DACH2: variants seen among roughly 807,000 people sequenced by gnomAD.
DACH2 encodes the protein dachshund family transcription factor 2.
A neutral mutation model predicts 35.8 loss-of-function variants in DACH2; 17 were observed. That is an observed-to-expected ratio of 0.48 (90% confidence interval 0.33 to 0.71). DACH2 has a LOEUF of 0.71. Among genes scored for constraint, DACH2 ranks in the 30% least tolerant of loss-of-function variants. The pLI is 0.02. For missense variants in DACH2, 469 were observed against 472.7 expected, an observed-to-expected ratio of 0.99 and a Z score of 0.07; for synonymous variants, 195 against 177.3, an observed-to-expected ratio of 1.10 and a Z score of -0.79.
At chrX:86,728,250 T>C (rs1237285616) in intron 6 of DACH2, among the ~76,000 whole-genome samples, 2 of 112,204 alleles carry the variant, frequency 1.8e-5, no homozygotes, top group African/African-American at 6.5e-5. Context: ...TGACCTGAGA[T>C]ATCTGGCATA....
intron 1 of DACH2, among the ~76,000 whole-genome samples, chrX:86,207,124 G>T (rs1252814493): frequency 9.0e-6 from 1 of 111,011 alleles, no homozygotes; most frequent in African/African-American, 3.3e-5. Context: ...CAATCATGAA[G>T]AATCCCATGA....
intron 3 of DACH2, among the ~76,000 whole-genome samples, chrX:86,522,628 T>G (rs908875131): frequency 6.1e-5 from 3 of 49,382 alleles, no homozygotes; most frequent in African/African-American, 2.5e-4. Flanking sequence ...CCACCTAGCC[T>G]TTCTCTAGAT....
intron 2 of DACH2, among the ~76,000 whole-genome samples, chrX:86,444,224 T>TA (rs1226548029): frequency 9.0e-6 from 1 of 111,623 alleles, no homozygotes; most frequent in Non-Finnish European, 1.9e-5. Flanking sequence ...TAGCTAGCAC[T>TA]ACAGGCACAC....
At chrX:86,530,038 AT>A (rs1316953365) in intron 3 of DACH2, among the ~76,000 whole-genome samples, 1 of 108,924 alleles carries the variant, frequency 9.2e-6, no homozygotes, top group Non-Finnish European at 1.9e-5. Context: ...ATCTATTGAG[AT>A]TTTTTAGGAC....
At chrX:86,427,059 TTA>T (rs920293562) in intron 2 of DACH2, among the ~76,000 whole-genome samples, 3 of 111,864 alleles carry the variant, frequency 2.7e-5, no homozygotes, top group African/African-American at 9.7e-5. Flanking sequence ...ATGACTCCAC[TTA>T]TATCATTCAA....
At chrX:86,576,791 C>G (rs1488880767) in intron 3 of DACH2, among the ~76,000 whole-genome samples, 2 of 110,859 alleles carry the variant, frequency 1.8e-5, no homozygotes, top group African/African-American at 6.6e-5. Context: ...GGTGAGCTCT[C>G]TTTCTGTTAG....
At chrX:86,275,007 AC>A (rs1340055246) in intron 1 of DACH2, among the ~76,000 whole-genome samples, 1 of 111,722 alleles carries the variant, frequency 9.0e-6, no homozygotes, top group African/African-American at 3.3e-5. Context: ...GCACAGCAAA[AC>A]ATAGTGAAAG....
chrX:86,459,735 G>T (rs2037535034), intron 2 of DACH2, among the ~76,000 whole-genome samples: 1 of 111,460 alleles, frequency 9.0e-6, no homozygotes, highest in Non-Finnish European at 1.9e-5. Flanking sequence ...GCTCTAAAAT[G>T]TTAGTACGTG....
chrX:86,326,854 T>C (rs1205210134), intron 1 of DACH2, among the ~76,000 whole-genome samples: 2 of 112,098 alleles, frequency 1.8e-5, no homozygotes, highest in Non-Finnish European at 3.8e-5. Context: ...AGGTTGGTTG[T>C]GTTCAAAACC....
intron 2 of DACH2, among the ~76,000 whole-genome samples, chrX:86,428,196 G>A (rs974443613): frequency 5.4e-5 from 6 of 111,244 alleles, no homozygotes; most frequent in Non-Finnish European, 1.1e-4. Flanking sequence ...AAATTAATAA[G>A]GTAGTAACTT....
intron 3 of DACH2, among the ~76,000 whole-genome samples, chrX:86,519,636 T>A (rs2038522343): frequency 9.0e-6 from 1 of 111,503 alleles, no homozygotes; most frequent in African/African-American, 3.3e-5. Context: ...GGTGTGTATG[T>A]CCAGGAATTT....
At chrX:86,818,465 A>G (rs1490539269) in intron 11 of DACH2, among the ~76,000 whole-genome samples, 4 of 111,519 alleles carry the variant, frequency 3.6e-5, no homozygotes, top group African/African-American at 1.3e-4. Flanking sequence ...TTACTTTTGA[A>G]TGTATCTGTG....
chrX:86,674,882 C>T (rs2040809334), intron 4 of DACH2, among the ~76,000 whole-genome samples: 3 of 110,645 alleles, frequency 2.7e-5, no homozygotes, highest in African/African-American at 9.8e-5. Flanking sequence ...CACAGCCTAA[C>T]ATCAGATACT....
At chrX:86,177,368 C>T (rs2031336777) in intron 1 of DACH2, among the ~76,000 whole-genome samples, 1 of 112,031 alleles carries the variant, frequency 8.9e-6, no homozygotes, top group Non-Finnish European at 1.9e-5. Flanking sequence ...TCATTATTAA[C>T]CTCACATGGA....
chrX:86,169,361 G>C (rs1195567532), intron 1 of DACH2, among the ~76,000 whole-genome samples: 1 of 110,799 alleles, frequency 9.0e-6, no homozygotes, highest in Non-Finnish European at 1.9e-5. Flanking sequence ...TAAATGCATT[G>C]AGATAGTCTT....
At chrX:86,159,921 A>G (rs1175583090) in intron 1 of DACH2, among the ~76,000 whole-genome samples, 2 of 111,491 alleles carry the variant, frequency 1.8e-5, no homozygotes, top group Non-Finnish European at 3.8e-5. Flanking sequence ...AATTTTATTT[A>G]CTTTTTTCTG....
At chrX:86,779,330 C>A (rs1194531444) in intron 7 of DACH2, among the ~76,000 whole-genome samples, 5 of 111,013 alleles carry the variant, frequency 4.5e-5, no homozygotes, top group Admixed American at 3.8e-4. Flanking sequence ...CCAGAGACAA[C>A]AGTAAATATA....
chrX:86,303,378 A>G (rs985799957), intron 1 of DACH2, among the ~76,000 whole-genome samples: 1 of 110,158 alleles, frequency 9.1e-6, no homozygotes, highest in Non-Finnish European at 1.9e-5. Flanking sequence ...TCCATTTGTT[A>G]TATTGGCTAT....
intron 1 of DACH2, among the ~76,000 whole-genome samples, chrX:86,303,338 G>A (rs764424752): frequency 3.7e-5 from 4 of 109,271 alleles, no homozygotes; most frequent in South Asian, 4.0e-4. Context: ...TTCTTTTTGC[G>A]TTCACTTTTT....
Sources: gnomAD v4.1 joint callset for allele counts (sites outside exome capture counted in the v4.1 genomes callset) on GRCh38, gnomAD v4.1.1 for gene constraint, MANE v1.5 for transcripts, NCBI Gene and HGNC (gene_info 2026-07-23, HGNC 2026-07-21) for gene names.